The following OSBPL10 variants were observed in gnomAD, a reference collection of about 807,000 sequenced individuals.
The protein encoded by OSBPL10 is oxysterol-binding protein-related protein 10.
OSBPL10 carries 49 observed loss-of-function variants against 81.7 expected under a neutral mutation model. The ratio of observed to expected loss-of-function variants is 0.60; its 90% CI spans 0.48 to 0.76. OSBPL10 has a LOEUF of 0.76. Ranked by LOEUF, OSBPL10 falls within the 30% of genes least tolerant of loss-of-function variation. The probability of loss-of-function intolerance (pLI) is 0.00; values close to 1 mark genes in which losing one functional copy is unlikely to be tolerated. For synonymous variants in OSBPL10, 419 were observed against 383.6 expected (o/e 1.09, Z -1.08); for missense variants, 923 against 987.8 (o/e 0.93, Z 0.88).
At chr3:31,846,884 T>G (rs922547869) in intron 3 of OSBPL10, among the ~76,000 whole-genome samples, 9 of 152,130 alleles carry the variant, frequency 5.9e-5, no homozygotes, top group African/African-American at 2.2e-4. Flanking sequence ...AGCTCATCAA[T>G]GTCCTCTATA....
intron 1 of OSBPL10, among the ~76,000 whole-genome samples, chr3:31,890,178 C>T (rs1175434828): frequency 6.7e-6 from 1 of 149,846 alleles, no homozygotes; most frequent in Non-Finnish European, 1.5e-5. Context: ...TTATTCATCA[C>T]CCTGTTTTCC....
At chr3:31,840,330 CAG>C (rs1700460579) in intron 3 of OSBPL10, among the ~76,000 whole-genome samples, 2 of 152,194 alleles carry the variant, frequency 1.3e-5, no homozygotes, top group South Asian at 4.1e-4. Flanking sequence ...TAATCTCTGA[CAG>C]AGCACTCCTG....
At chr3:31,679,658 T>G (rs1270312920) in intron 8 of OSBPL10, among the ~76,000 whole-genome samples, 1 of 152,218 alleles carries the variant, frequency 6.6e-6, no homozygotes. Flanking sequence ...TTCAAAATAT[T>G]TATTATGTGG....
chr3:31,679,239 T>C (rs1241621836), intron 8 of OSBPL10, among the ~76,000 whole-genome samples: 3 of 152,200 alleles, frequency 2.0e-5, no homozygotes, highest in Non-Finnish European at 4.4e-5. Context: ...GTCCACATTA[T>C]TGAAAATTGC....
intron 1 of OSBPL10, among the ~76,000 whole-genome samples, chr3:31,979,048 G>C (rs1294488140): frequency 6.6e-6 from 1 of 152,102 alleles, no homozygotes; most frequent in Non-Finnish European, 1.5e-5. Context: ...TAATCTACTT[G>C]AAGAAAAAGC....
intron 3 of OSBPL10, among the ~76,000 whole-genome samples, chr3:31,871,140 G>C (rs571836483): frequency 2.0e-5 from 3 of 152,278 alleles, no homozygotes; most frequent in Middle Eastern, 6.8e-3. Context: ...CTGCACTGTA[G>C]AAGGTTTGTT....
chr3:31,849,816 T>C (rs910225863), intron 3 of OSBPL10, among the ~76,000 whole-genome samples: 8 of 152,170 alleles, frequency 5.3e-5, no homozygotes, highest in African/African-American at 1.7e-4. Context: ...GGCAGAAGGA[T>C]TGCCTGAAGC....
intron 8 of OSBPL10, among the ~76,000 whole-genome samples, chr3:31,678,351 G>A (rs1700542357): frequency 1.3e-5 from 2 of 152,100 alleles, no homozygotes; most frequent in Admixed American, 1.3e-4. Context: ...AGGGAAGAAG[G>A]GAAAGATGAA....
At chr3:31,664,281 C>T in intron 10 of OSBPL10, 49 bp from the exon 11 acceptor site, 1 of 1,587,212 alleles carries the variant, frequency 6.3e-7, no homozygotes, top group South Asian at 1.1e-5. Flanking sequence ...CAGCTGGCTG[C>T]AAGCTAACGG....
chr3:31,927,033 C>T (rs1371000996), intron 1 of OSBPL10, among the ~76,000 whole-genome samples: 1 of 152,180 alleles, frequency 6.6e-6, no homozygotes, highest in Non-Finnish European at 1.5e-5. Context: ...ATAGCTTGAA[C>T]CCAAGAGGTA....
chr3:31,867,249 C>T (rs1701201792), intron 3 of OSBPL10, among the ~76,000 whole-genome samples: 1 of 152,084 alleles, frequency 6.6e-6, no homozygotes. Context: ...GCCTGGGGTC[C>T]TAGAAGCCCA....
intron 4 of OSBPL10, among the ~76,000 whole-genome samples, chr3:31,755,127 A>G (rs1471513857): frequency 6.6e-6 from 1 of 152,096 alleles, no homozygotes; most frequent in East Asian, 1.9e-4. Context: ...GGACAGAAAG[A>G]GCTTCCCCAG....
chr3:31,814,329 A>C (rs1216728370), intron 4 of OSBPL10, among the ~76,000 whole-genome samples: 1 of 152,180 alleles, frequency 6.6e-6, no homozygotes, highest in Non-Finnish European at 1.5e-5. Context: ...ACGAATGTCA[A>C]AGAAGTCTGT....
At chr3:31,871,447 C>G (rs1701324127) in intron 3 of OSBPL10, among the ~76,000 whole-genome samples, 1 of 152,226 alleles carries the variant, frequency 6.6e-6, no homozygotes, top group Admixed American at 6.5e-5. Context: ...ACCTTAAAAG[C>G]TGTAACACTC....
chr3:31,828,732 C>T (rs772773159), intron 4 of OSBPL10, among the ~76,000 whole-genome samples: 1 of 152,136 alleles, frequency 6.6e-6, no homozygotes, highest in African/African-American at 2.4e-5. Context: ...GGAGTTTCAC[C>T]ATGTTGGCCA....
chr3:31,746,738 C>T (rs1697533812), intron 5 of OSBPL10, among the ~76,000 whole-genome samples: 2 of 150,260 alleles, frequency 1.3e-5, no homozygotes, highest in South Asian at 2.1e-4. Flanking sequence ...AAACCAAACA[C>T]CGCATGTTCT....
chr3:31,942,222 C>G (rs971301199), intron 1 of OSBPL10, among the ~76,000 whole-genome samples: 22 of 152,136 alleles, frequency 1.4e-4, no homozygotes, highest in African/African-American at 5.1e-4. Context: ...TTGCAGTGAG[C>G]CGAGATGGCG....
chr3:32,010,696 G>A (rs1201310153), intron 2 of OSBPL10, among the ~76,000 whole-genome samples: 1 of 152,196 alleles, frequency 6.6e-6, no homozygotes, highest in Non-Finnish European at 1.5e-5. Flanking sequence ...TCCTAGCCAA[G>A]GAACAGGGTG....
intron 2 of OSBPL10, among the ~76,000 whole-genome samples, chr3:31,987,407 T>C (rs1201632534): frequency 2.0e-5 from 3 of 152,260 alleles, no homozygotes; most frequent in African/African-American, 7.2e-5. Context: ...AGAAATGTTC[T>C]TTAAATAACC....
Sources: gnomAD v4.1 joint callset for allele counts (sites outside exome capture counted in the v4.1 genomes callset) on GRCh38, gnomAD v4.1.1 for gene constraint, MANE v1.5 for transcripts, NCBI Gene and HGNC (gene_info 2026-07-23, HGNC 2026-07-21) for gene names.